Variants in PRRG1 observed in about 807,000 individuals in gnomAD.
PRRG1 encodes the protein proline rich and Gla domain 1.
A neutral mutation model predicts 11.8 loss-of-function variants in PRRG1; 5 were observed. The ratio of observed to expected loss-of-function variants is 0.42; its 90% CI spans 0.22 to 0.89. PRRG1 has a LOEUF of 0.89. PRRG1 is among the 40% of genes least tolerant of loss of function. PRRG1 has a pLI of 0.28. For synonymous variants in PRRG1, 66 were observed against 60.4 expected (o/e 1.09, Z -0.43); for missense variants, 155 against 166.1 (o/e 0.93, Z 0.37).
chrX:37,428,724 C>T (rs782254616), intron 3 of PRRG1, among the ~76,000 whole-genome samples: 2 of 112,214 alleles, frequency 1.8e-5, no homozygotes, highest in Admixed American at 9.3e-5. Context: ...CCTCTTCTCA[C>T]AGCTCCACTA....
At chrX:37,394,787 T>C (rs1931660597) in intron 1 of PRRG1, among the ~76,000 whole-genome samples, 1 of 110,062 alleles carries the variant, frequency 9.1e-6, no homozygotes, top group South Asian at 4.0e-4. Flanking sequence ...AACCTCCAGT[T>C]CTCTAAGAGT....
intron 1 of PRRG1, among the ~76,000 whole-genome samples, chrX:37,363,120 T>C (rs782105889): frequency 8.9e-6 from 1 of 112,040 alleles, no homozygotes; most frequent in East Asian, 2.8e-4. Context: ...GTAAGATATA[T>C]GGCTTTTATC....
At chrX:37,397,223 A>G (rs1487317435) in intron 1 of PRRG1, among the ~76,000 whole-genome samples, 1 of 112,557 alleles carries the variant, frequency 8.9e-6, no homozygotes, top group Non-Finnish European at 1.9e-5. Context: ...TTTGCCTGCT[A>G]TTTTATAGGA....
chrX:37,420,697 GA>G (rs1303456890), intron 2 of PRRG1, among the ~76,000 whole-genome samples: 18 of 91,990 alleles, frequency 2.0e-4, no homozygotes, highest in African/African-American at 7.9e-4. Context: ...AGAAAAGAAA[GA>G]AAAAAGAAAA....
chrX:37,350,060 G>C (rs1930009187), intron 1 of PRRG1, among the ~76,000 whole-genome samples: 1 of 104,399 alleles, frequency 9.6e-6, no homozygotes, highest in Admixed American at 1.0e-4. Flanking sequence ...AGCGGGGGGA[G>C]GGGGAGGCGG....
In PRRG1 at chrX:37,456,049, T is replaced by C. The variant is rs781807318; in HGVS notation, c.*2428T>C. 1 of 112,542 alleles carries C rather than the reference T, an allele frequency of 8.9e-6. No individual in the cohort carries two copies. Among genetic ancestry groups the C allele is most frequent in the East Asian group, 2.8e-4 (1 of 3,606 alleles). 9.3% of individuals were successfully genotyped at this position (112,542 alleles called of 1,213,427 possible). A position where few individuals can be genotyped will look rare whatever the true frequency, so the allele number is the denominator to read the frequency against. ...ACATTGCCATCTTCTCACAAATCTC[T>C]TTTTTTGTTTTTGAAAATATGGCCA... On this transcript the variant is annotated 3_prime_UTR_variant, in exon 4 of 4. Transcript: ENST00000378628.
chrX:37,399,715 G>C (rs1457996664), intron 1 of PRRG1, among the ~76,000 whole-genome samples: 1 of 104,928 alleles, frequency 9.5e-6, no homozygotes, highest in Non-Finnish European at 2.0e-5. Context: ...AGACCCATCA[G>C]TGTGCTGTAT....
chrX:37,416,784 C>T (rs956863072), intron 2 of PRRG1, among the ~76,000 whole-genome samples: 18 of 112,185 alleles, frequency 1.6e-4, no homozygotes, highest in African/African-American at 5.5e-4. Context: ...GTGTAATCTG[C>T]CATTTCATGA....
At chrX:37,422,388 T>C (rs1351120133) in intron 2 of PRRG1, among the ~76,000 whole-genome samples, 1 of 111,862 alleles carries the variant, frequency 8.9e-6, no homozygotes, top group Non-Finnish European at 1.9e-5. Flanking sequence ...GCGCTCAGCA[T>C]AGGTCACTGT....
chrX:37,403,741 C>T, intron 1 of PRRG1: 5 of 752,802 alleles, frequency 6.6e-6, no homozygotes, highest in Non-Finnish European at 7.8e-6. Context: ...GCAGAGGATC[C>T]GAATGGAAAG....
intron 3 of PRRG1, among the ~76,000 whole-genome samples, chrX:37,449,790 T>C (rs1158192062): frequency 8.9e-6 from 1 of 112,746 alleles, no homozygotes; most frequent in African/African-American, 3.2e-5. Flanking sequence ...GCCACATTAT[T>C]GCCAGCCACT....
chrX:37,407,634 G>A (rs1231936309), intron 2 of PRRG1, among the ~76,000 whole-genome samples: 1 of 111,810 alleles, frequency 8.9e-6, no homozygotes, highest in Non-Finnish European at 1.9e-5. Flanking sequence ...AGTTGTCGTT[G>A]GCATAATGTG....
At chrX:37,361,328 C>T (rs1368349470) in intron 1 of PRRG1, among the ~76,000 whole-genome samples, 2 of 103,121 alleles carry the variant, frequency 1.9e-5, no homozygotes, top group African/African-American at 7.3e-5. Flanking sequence ...GGCGACAGAG[C>T]GAGACTCAGT....
At chrX:37,355,111 G>A (rs1046737723) in intron 1 of PRRG1, among the ~76,000 whole-genome samples, 26 of 110,066 alleles carry the variant, frequency 2.4e-4, no homozygotes, top group Non-Finnish European at 1.3e-4. Context: ...TTGAGATGAG[G>A]TCTCACTATA....
chrX:37,406,207 A>G lies in PRRG1; in HGVS notation c.-41-2A>G. ...TGTGTGTATGTGCTCTGTTTTGTAC[A>G]GGGAATCATCATCCAGGGACGTGCC... is the stretch of plus-strand genomic sequence containing the variant. On this transcript the variant is annotated splice_acceptor_variant, in intron 1 of 3. Transcript: ENST00000378628. LOFTEE classifies it low-confidence loss of function (5UTR_SPLICE). The G allele has an allele frequency of 8.3e-7, 1 of 1,209,969 alleles. No homozygotes were observed. The highest frequency in any genetic ancestry group is 1.1e-6 in the Non-Finnish European group (1 of 894,274).
At chrX:37,358,096 GT>G (rs56832062) in intron 1 of PRRG1, among the ~76,000 whole-genome samples, 33,231 of 104,964 alleles carry the variant, frequency 0.32, 7,141 homozygotes, top group African/African-American at 0.77. Context: ...TTCAAATCAT[GT>G]TTTTTTTTTT....
chrX:37,358,514 C>T (rs997334966), intron 1 of PRRG1, among the ~76,000 whole-genome samples: 22 of 111,079 alleles, frequency 2.0e-4, no homozygotes, highest in African/African-American at 6.6e-4. Flanking sequence ...TTTGCCTTTG[C>T]TCCTTTGTCA....
intron 1 of PRRG1, among the ~76,000 whole-genome samples, chrX:37,364,809 T>C (rs1261093490): frequency 8.9e-6 from 1 of 112,037 alleles, no homozygotes; most frequent in Non-Finnish European, 1.9e-5. Context: ...TACAATGGCA[T>C]GTGGTTTTGC....
intron 1 of PRRG1, among the ~76,000 whole-genome samples, chrX:37,378,736 A>T (rs1350681089): frequency 1.8e-5 from 2 of 111,367 alleles, no homozygotes; most frequent in African/African-American, 6.5e-5. Flanking sequence ...TCTGGGAGTG[A>T]GGTGATTTGT....
Sources: allele counts gnomAD v4.1 joint callset (sites outside exome capture counted in the v4.1 genomes callset), GRCh38; gene constraint gnomAD v4.1.1; transcripts MANE v1.5; gene names NCBI Gene and HGNC (gene_info 2026-07-23, HGNC 2026-07-21).